The following RALYL variants were observed in gnomAD, a reference collection of about 807,000 sequenced individuals.
RALYL encodes the protein RNA-binding Raly-like protein.
A neutral mutation model predicts 35.1 loss-of-function variants in RALYL; 29 were observed. The ratio of observed to expected loss-of-function variants is 0.83; its 90% CI spans 0.61 to 1.13. The LOEUF is 1.13. Among genes scored for constraint, RALYL ranks in the 50% most tolerant of loss-of-function variants. RALYL has a pLI of 0.00. For synonymous variants in RALYL, 120 were observed against 127.6 expected, an observed-to-expected ratio of 0.94 and a Z score of 0.40; for missense variants, 359 against 360.4, an observed-to-expected ratio of 1.00 and a Z score of 0.03.
At chr8:84,860,785 C>G (rs1182347047) in intron 5 of RALYL, among the ~76,000 whole-genome samples, 1 of 152,142 alleles carries the variant, frequency 6.6e-6, no homozygotes, top group East Asian at 1.9e-4. Context: ...AGTTTTTTCC[C>G]CAGCATGTTC....
At chr8:84,550,832 A>G (rs6993417) in intron 2 of RALYL, among the ~76,000 whole-genome samples, 1,950 of 152,034 alleles carry the variant, frequency 0.013, 42 homozygotes, top group African/African-American at 0.044. Context: ...TTTACCTTTG[A>G]TTACTATCTA....
At chr8:84,880,842 A>T (rs1220245983) in intron 7 of RALYL, among the ~76,000 whole-genome samples, 1 of 151,976 alleles carries the variant, frequency 6.6e-6, no homozygotes, top group Admixed American at 6.6e-5. Flanking sequence ...TTCCTTGTGG[A>T]AAACAGATTT....
chr8:84,767,705 T>C (rs1814452981), intron 2 of RALYL, among the ~76,000 whole-genome samples: 1 of 152,140 alleles, frequency 6.6e-6, no homozygotes, highest in African/African-American at 2.4e-5. Flanking sequence ...AGTAGCTAGC[T>C]TCTCCACGCA....
chr8:84,690,229 C>A (rs1837746975), intron 2 of RALYL, among the ~76,000 whole-genome samples: 1 of 152,036 alleles, frequency 6.6e-6, no homozygotes, highest in Admixed American at 6.6e-5. Flanking sequence ...TCTTTTATAA[C>A]CACATGGATG....
chr8:84,230,571 T>C (rs903367905), intron 1 of RALYL, among the ~76,000 whole-genome samples: 1 of 152,210 alleles, frequency 6.6e-6, no homozygotes, highest in African/African-American at 2.4e-5. Flanking sequence ...ACTTACTCTC[T>C]AGTTATTCTC....
intron 2 of RALYL, among the ~76,000 whole-genome samples, chr8:84,735,999 T>A (rs573320650): frequency 6.6e-6 from 1 of 152,224 alleles, no homozygotes; most frequent in East Asian, 1.9e-4. Context: ...CATTAGGTTC[T>A]AAGATATTCT....
At chr8:84,364,448 A>T (rs1303575205) in intron 1 of RALYL, among the ~76,000 whole-genome samples, 1 of 152,126 alleles carries the variant, frequency 6.6e-6, no homozygotes, top group African/African-American at 2.4e-5. Context: ...AATGTTCTTT[A>T]TTGAAATTTA....
intron 1 of RALYL, among the ~76,000 whole-genome samples, chr8:84,379,152 A>G (rs1264846517): frequency 6.6e-6 from 1 of 151,972 alleles, no homozygotes; most frequent in East Asian, 1.9e-4. Flanking sequence ...AATAAAGTTC[A>G]AATTGTCTCC....
intron 6 of RALYL, among the ~76,000 whole-genome samples, chr8:84,864,183 T>C (rs1343697699): frequency 7.1e-6 from 1 of 141,378 alleles, no homozygotes; most frequent in East Asian, 2.3e-4. Context: ...TAATTTCATC[T>C]TTTCTTTGTG....
rs188217418 is a variant in RALYL at position 84,585,884 on chromosome 8, A to G, written c.256+56307A>G. ...GACTGGGATCAGGCGTGGAAAGTTC[A>G]TCCAAGAATTCCTTAAAAAACGTGA... On this transcript the variant is annotated intron_variant, in intron 2 of 8. Coordinates refer to ENST00000521268, the MANE Select transcript of RALYL (RefSeq NM_173848.7). Among the ~76,000 whole-genome samples, 181 of 152,168 alleles carry G rather than the reference A, an allele frequency of 1.2e-3. 1 individual carries two copies. The highest frequency in any genetic ancestry group is 4.2e-3 in the African/African-American group (175 of 41,528).
At chr8:84,669,653 AGTCT>A (rs1185491159) in intron 2 of RALYL, among the ~76,000 whole-genome samples, 2 of 152,018 alleles carry the variant, frequency 1.3e-5, no homozygotes, top group Non-Finnish European at 2.9e-5. Flanking sequence ...CTGTTGATCA[AGTCT>A]GTCCACATCA....
intron 1 of RALYL, among the ~76,000 whole-genome samples, chr8:84,437,378 G>T (rs929199312): frequency 6.6e-6 from 1 of 152,124 alleles, no homozygotes; most frequent in Non-Finnish European, 1.5e-5. Flanking sequence ...TATCTACCCA[G>T]TAAAGGGATT....
chr8:84,667,431 A>G (rs1310820974), intron 2 of RALYL, among the ~76,000 whole-genome samples: 1 of 152,132 alleles, frequency 6.6e-6, no homozygotes, highest in African/African-American at 2.4e-5. Context: ...TATATTTGCC[A>G]TAATTTTCTA....
rs551874914 is a variant in RALYL at position 84,317,926 on chromosome 8, T to C, written c.-24+133502T>C. On this transcript the variant is annotated intron_variant, in intron 1 of 8. Coordinates refer to ENST00000521268, the MANE Select transcript of RALYL (RefSeq NM_173848.7). ...TCTCTTCTTATTATCTTAATTATTATTTCAATTATTAAGTTTTTATGTCTA... is the reference window on the plus strand; with the variant it reads ...TCTCTTCTTATTATCTTAATTATTACTTCAATTATTAAGTTTTTATGTCTA... Among the ~76,000 whole-genome samples the C allele has an allele frequency of 4.6e-5, 7 of 152,328 alleles. No individual in the cohort carries two copies. The South Asian group carries it at 8.3e-4, about 18-fold the overall frequency.
chr8:84,563,582 A>C (rs1463588572), intron 2 of RALYL, among the ~76,000 whole-genome samples: 1 of 151,528 alleles, frequency 6.6e-6, no homozygotes, highest in Admixed American at 6.6e-5. Flanking sequence ...TTTTTTTTTA[A>C]ATTACCAGCG....
rs145268198 is a variant in RALYL at position 84,237,286 on chromosome 8, G to A, written c.-24+52862G>A. Among the ~76,000 whole-genome samples the A allele has an allele frequency of 2.4e-3, 367 of 152,294 alleles. 3 individuals are homozygous for A. Among genetic ancestry groups the A allele is most frequent in the Middle Eastern group, 6.8e-3 (2 of 294 alleles). ...ATCACTCCCAAGAGGGAGAAGTACT[G>A]AGAACAGCTCTGGCAGCTGGTGGAT... On this transcript the variant is annotated intron_variant, in intron 1 of 8. Coordinates refer to ENST00000521268, the MANE Select transcript of RALYL (RefSeq NM_173848.7).
intron 2 of RALYL, among the ~76,000 whole-genome samples, chr8:84,633,853 G>A (rs565052426): frequency 3.3e-5 from 5 of 151,902 alleles, no homozygotes; most frequent in African/African-American, 1.2e-4. Context: ...ACCAAACTTA[G>A]ACTTGAATCC....
chr8:84,852,353 AAG>A (rs1836031083), intron 5 of RALYL, among the ~76,000 whole-genome samples: 2 of 152,178 alleles, frequency 1.3e-5, no homozygotes, highest in Non-Finnish European at 2.9e-5. Context: ...TTTAAATATT[AAG>A]AAACTTATCA....
chr8:84,871,786 C>T (rs981015288), intron 6 of RALYL, among the ~76,000 whole-genome samples: 1 of 152,094 alleles, frequency 6.6e-6, no homozygotes, highest in Non-Finnish European at 1.5e-5. Context: ...TCTGATTTGA[C>T]AATGGGAAAA....
Sources: gnomAD v4.1 joint callset for allele counts (sites outside exome capture counted in the v4.1 genomes callset) on GRCh38, gnomAD v4.1.1 for gene constraint, MANE v1.5 for transcripts, NCBI Gene and HGNC (gene_info 2026-07-23, HGNC 2026-07-21) for gene names.